SEMA3C: variants seen among roughly 807,000 people sequenced by gnomAD.
The protein encoded by SEMA3C is semaphorin 3C.
A neutral mutation model predicts 89.4 loss-of-function variants in SEMA3C; 47 were observed. That is an observed-to-expected ratio of 0.53 (90% confidence interval 0.42 to 0.67). The LOEUF (loss-of-function observed/expected upper bound fraction) is 0.67. Ranked by LOEUF, SEMA3C falls within the 30% of genes least tolerant of loss-of-function variation. The pLI is 0.00. For missense variants in SEMA3C, 839 were observed against 929.1 expected (o/e 0.90, Z 1.26); for synonymous variants, 310 against 320.2 (o/e 0.97, Z 0.34).
chr7:80,922,265 C>CT, upstream of SEMA3C: 1 of 1,288,556 alleles, frequency 7.8e-7, no homozygotes, highest in South Asian at 1.2e-5. Flanking sequence ...TTCCTCTTAC[C>CT]TTTTTTGCTT....
At chr7:80,824,190 ATT>A (rs1789818749) in intron 4 of SEMA3C, among the ~76,000 whole-genome samples, 1 of 152,156 alleles carries the variant, frequency 6.6e-6, no homozygotes, top group African/African-American at 2.4e-5. Flanking sequence ...AGCAGTATGG[ATT>A]TTAATTGCTA....
chr7:80,810,922 C>G (rs1431317196), intron 5 of SEMA3C, among the ~76,000 whole-genome samples: 1 of 152,074 alleles, frequency 6.6e-6, no homozygotes, highest in African/African-American at 2.4e-5. Context: ...CTATTGCACT[C>G]CCCAGAGAGC....
At chr7:80,870,012 CAGTCTCTTT>C (rs760108418) in intron 2 of SEMA3C, among the ~76,000 whole-genome samples, 8 of 152,152 alleles carry the variant, frequency 5.3e-5, no homozygotes, top group Non-Finnish European at 1.0e-4. Context: ...CAAAAATGTT[CAGTCTCTTT>C]TTCTGTCTCT....
At chr7:80,904,243 G>A (rs1791953534) in intron 2 of SEMA3C, among the ~76,000 whole-genome samples, 1 of 152,054 alleles carries the variant, frequency 6.6e-6, no homozygotes, top group Non-Finnish European at 1.5e-5. Context: ...ATTTCACCAT[G>A]TTGGCCAGGT....
chr7:80,866,591 C>T (rs922611494), intron 2 of SEMA3C, among the ~76,000 whole-genome samples: 2 of 152,118 alleles, frequency 1.3e-5, no homozygotes, highest in African/African-American at 4.8e-5. Flanking sequence ...ATAATCTGCA[C>T]TCCAGAAAGG....
chr7:80,806,386 A>C (rs1789343250), intron 6 of SEMA3C, among the ~76,000 whole-genome samples: 1 of 152,204 alleles, frequency 6.6e-6, no homozygotes, highest in Non-Finnish European at 1.5e-5. Flanking sequence ...TATAACTGTC[A>C]AAACATTATC....
chr7:80,828,554 G>T, intron 3 of SEMA3C, 31 bp downstream of exon 3: 1 of 1,545,962 alleles, frequency 6.5e-7, no homozygotes, highest in South Asian at 1.3e-5. Flanking sequence ...TGAAAAGGTG[G>T]ACACTGTCCT....
chr7:80,760,577 G>C (rs1166717583), intron 14 of SEMA3C, among the ~76,000 whole-genome samples: 1 of 152,164 alleles, frequency 6.6e-6, no homozygotes, highest in Admixed American at 6.5e-5. Context: ...TCAAAAGAGT[G>C]TAAGACTGAC....
intron 14 of SEMA3C, among the ~76,000 whole-genome samples, chr7:80,759,508 A>G (rs1279474027): frequency 6.6e-6 from 1 of 152,170 alleles, no homozygotes; most frequent in Non-Finnish European, 1.5e-5. Flanking sequence ...TCACTAGTAA[A>G]ATTAGGATAA....
chr7:80,768,280 G>A lies in SEMA3C; in HGVS notation c.1355-3037C>T, dbSNP rs1009935953. On this transcript the variant is annotated intron_variant, in intron 12 of 17. Coordinates refer to ENST00000265361, the MANE Select transcript of SEMA3C (RefSeq NM_006379.5). ...TGTAATCCCAGCACTTTGGGAGGCC[G>A]AGGTGGGCGGATCACGAGGTCAGGA... Among the ~76,000 whole-genome samples the A allele has an allele frequency of 6.6e-5, 10 of 152,240 alleles. No individual in the cohort carries two copies. In the South Asian group the frequency reaches 8.3e-4, roughly 13 times the overall value.
intron 2 of SEMA3C, among the ~76,000 whole-genome samples, chr7:80,907,558 A>G (rs1156380544): frequency 6.6e-6 from 1 of 152,106 alleles, no homozygotes; most frequent in Admixed American, 6.6e-5. Flanking sequence ...TTGATGCCAG[A>G]AAGATTGTTT....
chr7:80,887,007 T>A (rs1791499064), intron 2 of SEMA3C, among the ~76,000 whole-genome samples: 1 of 152,190 alleles, frequency 6.6e-6, no homozygotes, highest in Admixed American at 6.5e-5. Context: ...ATCATTAATA[T>A]GTTATATAAA....
intron 2 of SEMA3C, among the ~76,000 whole-genome samples, chr7:80,881,186 C>CACAG (rs1338098549): frequency 6.7e-4 from 102 of 151,386 alleles, no homozygotes; most frequent in Non-Finnish European, 1.2e-3. Context: ...CACACACACA[C>CACAG]ACACACACAC....
intron 2 of SEMA3C, among the ~76,000 whole-genome samples, chr7:80,857,257 G>A (rs964808125): frequency 6.6e-5 from 10 of 152,108 alleles, no homozygotes; most frequent in Admixed American, 3.3e-4. Flanking sequence ...ACACTCTCAT[G>A]CAGGTTTTGG....
chr7:80,893,848 AATT>A (rs1417060103), intron 2 of SEMA3C, among the ~76,000 whole-genome samples: 1 of 152,200 alleles, frequency 6.6e-6, no homozygotes, highest in Non-Finnish European at 1.5e-5. Context: ...ACTTCAGTTA[AATT>A]ACACTTCAGC....
intron 6 of SEMA3C, 119 bp from the exon 7 acceptor site, chr7:80,805,877 C>A: frequency 1.7e-6 from 1 of 572,070 alleles, no homozygotes; most frequent in Non-Finnish European, 2.8e-6. Context: ...TTGGTTATAA[C>A]AAATATTAAT....
At chr7:80,822,819 T>C (rs1459003562) in intron 4 of SEMA3C, among the ~76,000 whole-genome samples, 1 of 152,164 alleles carries the variant, frequency 6.6e-6, no homozygotes, top group African/African-American at 2.4e-5. Flanking sequence ...CAATATTAGA[T>C]TTGTTTTATT....
At chr7:80,826,654 T>C (rs952528555) in intron 4 of SEMA3C, among the ~76,000 whole-genome samples, 2 of 152,172 alleles carry the variant, frequency 1.3e-5, no homozygotes, top group Non-Finnish European at 2.9e-5. Context: ...AAACTATTTT[T>C]GAAAGACAGG....
intron 11 of SEMA3C, among the ~76,000 whole-genome samples, chr7:80,794,441 C>T (rs1271136018): frequency 1.3e-5 from 2 of 152,018 alleles, no homozygotes; most frequent in African/African-American, 4.8e-5. Flanking sequence ...ACATTCCTAA[C>T]TGAATGTTTT....
Sources: gnomAD v4.1 joint callset for allele counts (sites outside exome capture counted in the v4.1 genomes callset) on GRCh38, gnomAD v4.1.1 for gene constraint, MANE v1.5 for transcripts, NCBI Gene and HGNC (gene_info 2026-07-23, HGNC 2026-07-21) for gene names.